Variants in RIN2 observed in about 807,000 individuals in gnomAD.
RIN2 encodes the protein Ras and Rab interactor 2.
In RIN2, 36 loss-of-function variants were observed where a neutral mutation model predicts 78.0. The observed-to-expected ratio is 0.46, with a 90% CI of 0.35 to 0.61. RIN2 has a LOEUF of 0.61. RIN2 is among the 20% of genes least tolerant of loss of function. The probability of loss-of-function intolerance (pLI) is 0.00; values close to 1 mark genes in which losing one functional copy is unlikely to be tolerated. For missense variants in RIN2, 1,087 were observed against 1,159.7 expected, an observed-to-expected ratio of 0.94 and a Z score of 0.91; for synonymous variants, 466 against 466.8, an observed-to-expected ratio of 1.00 and a Z score of 0.02.
At chr20:19,863,251 G>C (rs1027019970) in intron 2 of RIN2, among the ~76,000 whole-genome samples, 9 of 152,258 alleles carry the variant, frequency 5.9e-5, no homozygotes, top group Admixed American at 3.9e-4. Context: ...TATTTAACAC[G>C]TTTTGTCTCA....
intron 2 of RIN2, among the ~76,000 whole-genome samples, chr20:19,816,622 C>G (rs190086243): frequency 6.6e-6 from 1 of 152,300 alleles, no homozygotes; most frequent in Admixed American, 6.5e-5. Context: ...GAAATGCAAA[C>G]AGAAAACAGT....
intron 11 of RIN2, among the ~76,000 whole-genome samples, chr20:19,996,339 C>CA (rs1334314328): frequency 6.6e-6 from 1 of 151,870 alleles, no homozygotes; most frequent in African/African-American, 2.4e-5. Flanking sequence ...AAAAAACAAA[C>CA]AAACAAAAAA....
intron 1 of RIN2, among the ~76,000 whole-genome samples, chr20:19,768,153 T>C (rs2033969058): frequency 6.6e-6 from 1 of 152,164 alleles, no homozygotes; most frequent in South Asian, 2.1e-4. Flanking sequence ...TCTCTCCCTA[T>C]GTTTTGATCT....
chr20:19,821,897 G>A (rs192626507), intron 2 of RIN2, among the ~76,000 whole-genome samples: 2 of 152,248 alleles, frequency 1.3e-5, no homozygotes, highest in Admixed American at 6.5e-5. Flanking sequence ...TGACTGCCTG[G>A]GACATTATAG....
intron 2 of RIN2, among the ~76,000 whole-genome samples, chr20:19,875,386 C>G (rs1304764864): frequency 2.0e-5 from 3 of 152,024 alleles, no homozygotes; most frequent in Non-Finnish European, 4.4e-5. Context: ...AGGCTGGTCT[C>G]AAACTCCTGA....
At chr20:19,959,369 C>T (rs759807660) in intron 5 of RIN2, among the ~76,000 whole-genome samples, 10 of 152,180 alleles carry the variant, frequency 6.6e-5, no homozygotes, top group Non-Finnish European at 1.2e-4. Context: ...AGCTGCCTCT[C>T]CACAGTGCTT....
At chr20:19,923,465 AAAAT>A (rs371786437) in intron 3 of RIN2, among the ~76,000 whole-genome samples, 3,751 of 127,882 alleles carry the variant, frequency 0.029, 127 homozygotes, top group African/African-American at 0.084. Flanking sequence ...AAAATAAAAT[AAAAT>A]AAATAAAATA....
chr20:19,959,761 C>G (rs1256613516), intron 5 of RIN2, among the ~76,000 whole-genome samples: 1 of 152,166 alleles, frequency 6.6e-6, no homozygotes, highest in Admixed American at 6.5e-5. Flanking sequence ...AAGGGCCATG[C>G]TCCACAGAAG....
At chr20:19,907,241 A>G (rs2039259323) in intron 3 of RIN2, among the ~76,000 whole-genome samples, 1 of 152,248 alleles carries the variant, frequency 6.6e-6, no homozygotes, top group Non-Finnish European at 1.5e-5. Context: ...TCAAGATGGC[A>G]GACCCCTTTG....
At chr20:19,892,931 A>G (rs1296754705) in intron 3 of RIN2, among the ~76,000 whole-genome samples, 1 of 152,166 alleles carries the variant, frequency 6.6e-6, no homozygotes, top group East Asian at 1.9e-4. Context: ...GTTCTCACCT[A>G]TTAAGCGCCC....
At chr20:19,834,539 C>T (rs1453542579) in intron 2 of RIN2, among the ~76,000 whole-genome samples, 1 of 152,204 alleles carries the variant, frequency 6.6e-6, no homozygotes, top group Non-Finnish European at 1.5e-5. Flanking sequence ...CCTGCCCTCC[C>T]ACCCCCTTAA....
intron 4 of RIN2, among the ~76,000 whole-genome samples, chr20:19,946,625 G>T (rs1031294487): frequency 1.3e-5 from 2 of 148,556 alleles, no homozygotes; most frequent in Non-Finnish European, 3.0e-5. Context: ...CACAAGAATT[G>T]TCTGAACCTG....
intron 2 of RIN2, among the ~76,000 whole-genome samples, chr20:19,882,592 T>G (rs934109178): frequency 6.6e-6 from 1 of 152,154 alleles, no homozygotes; most frequent in Non-Finnish European, 1.5e-5. Flanking sequence ...TGTGTGTGGC[T>G]TCTTTGTCCA....
chr20:19,769,379 C>G (rs2034026275), intron 1 of RIN2, among the ~76,000 whole-genome samples: 1 of 152,084 alleles, frequency 6.6e-6, no homozygotes, highest in Admixed American at 6.6e-5. Flanking sequence ...TAGGTCAGGG[C>G]ACAGCACACA....
At chr20:19,792,024 G>A (rs971417201) in intron 1 of RIN2, among the ~76,000 whole-genome samples, 6 of 152,158 alleles carry the variant, frequency 3.9e-5, no homozygotes, top group Admixed American at 1.3e-4. Flanking sequence ...TCCATGGTTG[G>A]GGGAAGAGGA....
At chr20:19,875,644 A>T (rs1254815589) in intron 2 of RIN2, among the ~76,000 whole-genome samples, 1 of 152,208 alleles carries the variant, frequency 6.6e-6, no homozygotes, top group Non-Finnish European at 1.5e-5. Flanking sequence ...TTTTTTAATA[A>T]ATAAAAAATG....
rs1203911196 is a variant in RIN2, at chr20:19,977,523, T to C, written c.1762+1736T>C. ...CTGTCCAAGCTATTCCAGTGGGTCCTCACCTCACCCCTGTGAACAGGCATC... is the reference window on the plus strand; with the variant it reads ...CTGTCCAAGCTATTCCAGTGGGTCCCCACCTCACCCCTGTGAACAGGCATC... On this transcript the variant is annotated intron_variant, in intron 9 of 12. Coordinates refer to ENST00000255006, the MANE Select transcript of RIN2 (RefSeq NM_018993.4). 3.3e-5 allele frequency among the ~76,000 whole-genome samples: 5 copies of C among 152,188 alleles called. No homozygotes were observed. The East Asian group carries it at 9.6e-4, about 29-fold the overall frequency.
chr20:19,793,193 A>G (rs1010806833), intron 1 of RIN2, among the ~76,000 whole-genome samples: 1 of 152,228 alleles, frequency 6.6e-6, no homozygotes, highest in Non-Finnish European at 1.5e-5. Flanking sequence ...TAATTTTAAT[A>G]AGATATCGTA....
chr20:19,885,061 A>C lies in RIN2; in HGVS notation c.-36-4505A>C, dbSNP rs1222719403. On this transcript the variant is annotated intron_variant, in intron 2 of 12. Coordinates refer to ENST00000255006, the MANE Select transcript of RIN2 (RefSeq NM_018993.4). ...GAAAAACTGAAGGTTGTGATTAGAA[A>C]GCTTCTGTAGCCAACCTCATGCAGC... is the stretch of plus-strand genomic sequence containing the variant. Among the ~76,000 whole-genome samples, 11 of 152,346 alleles carry C rather than the reference A, an allele frequency of 7.2e-5. No homozygotes were observed. The East Asian group carries it at 2.1e-3, about 29-fold the overall frequency.
Sources: allele counts gnomAD v4.1 joint callset (sites outside exome capture counted in the v4.1 genomes callset), GRCh38; gene constraint gnomAD v4.1.1; transcripts MANE v1.5; gene names NCBI Gene and HGNC (gene_info 2026-07-23, HGNC 2026-07-21).